SYBU: variants seen among roughly 807,000 people sequenced by gnomAD.
SYBU encodes GOLSYN A protein.
A neutral mutation model predicts 35.9 loss-of-function variants in SYBU; 21 were observed. That is an observed-to-expected ratio of 0.58 (90% CI 0.41 to 0.84). The LOEUF is 0.84. Ranked by LOEUF, SYBU falls within the 40% of genes least tolerant of loss-of-function variation. The pLI, the probability that SYBU is intolerant of heterozygous loss-of-function variation, is 0.00. For synonymous variants in SYBU, 319 were observed against 324.3 expected, an observed-to-expected ratio of 0.98 and a Z score of 0.18; for missense variants, 768 against 848.2, an observed-to-expected ratio of 0.91 and a Z score of 1.17.
chr8:109,609,146 C>G (rs993586923), intron 3 of SYBU, among the ~76,000 whole-genome samples: 1 of 152,174 alleles, frequency 6.6e-6, no homozygotes, highest in Non-Finnish European at 1.5e-5. Flanking sequence ...CTGCAATTAC[C>G]TCTCAGAAAA....
chr8:109,634,813 A>G (rs984891911), intron 2 of SYBU, among the ~76,000 whole-genome samples: 1 of 152,190 alleles, frequency 6.6e-6, no homozygotes, highest in Non-Finnish European at 1.5e-5. Context: ...ATCTATAAAT[A>G]TACTTATTTG....
chr8:109,609,288 T>C (rs933931790), intron 3 of SYBU, among the ~76,000 whole-genome samples: 9 of 152,202 alleles, frequency 5.9e-5, no homozygotes, highest in African/African-American at 2.2e-4. Context: ...TCAGTGCTAA[T>C]TTTGCTTCCC....
intron 2 of SYBU, among the ~76,000 whole-genome samples, chr8:109,641,579 C>T (rs146995316): frequency 1.1e-3 from 168 of 152,346 alleles, no homozygotes; most frequent in African/African-American, 3.7e-3. Flanking sequence ...TGGGCTCTTC[C>T]CTACTAAACC....
chr8:109,607,926 C>T (rs2130180306), intron 3 of SYBU: 1 of 1,530,294 alleles, frequency 6.5e-7, no homozygotes, highest in South Asian at 1.2e-5. Flanking sequence ...AGGTAAGCTC[C>T]ATAGACTTTC....
Position 109,691,483 on chromosome 8 carries a change from G to T in SYBU, c.-208C>A. On this transcript the variant is annotated 5_prime_UTR_variant, in exon 1 of 8. Coordinates refer to the SYBU transcript ENST00000422135. This position sits in a 1 kb window ranked among gnomAD's most constrained non-coding sequence, Gnocchi z 4.7. ...GCTCAGGCCCGGGGAGCCGGGCCCGGCCCGCTCCGCCCGCCTTAGCCCGGC... is the reference window on the plus strand; with the variant it reads ...GCTCAGGCCCGGGGAGCCGGGCCCGTCCCGCTCCGCCCGCCTTAGCCCGGC... 1 of 530,858 alleles carries T rather than the reference G, an allele frequency of 1.9e-6. No homozygotes were observed. The highest frequency in any genetic ancestry group is 2.5e-5 in the South Asian group (1 of 39,624). 32.9% of individuals were successfully genotyped at this position (530,858 alleles called of 1,614,324 possible).
chr8:109,575,692 G>GTTA lies in SYBU; in HGVS notation c.1205_1206insTAA (p.Thr402_Leu403insAsn), dbSNP rs772726408. ...CCATTGTGTCAAGAGGGGGGTTGAG[G>GTTA]GTTAAGCTCTTCTCTGGGGAATCAC... On this transcript the variant is annotated inframe_insertion, in exon 7 of 7. Transcript: ENST00000276646. 5.8e-5 allele frequency: 94 copies of GTTA among 1,614,068 alleles called. No individual in the cohort carries two copies. The African/African-American group carries it at 1.1e-3, about 19-fold the overall frequency.
chr8:109,667,056 T>G (rs948471103), intron 1 of SYBU, among the ~76,000 whole-genome samples: 3 of 152,198 alleles, frequency 2.0e-5, no homozygotes, highest in African/African-American at 7.2e-5. Context: ...ATGTAGCAGC[T>G]TGAACTAACT....
At chr8:109,669,510 T>C (rs1033666669) in intron 1 of SYBU, among the ~76,000 whole-genome samples, 1 of 152,188 alleles carries the variant, frequency 6.6e-6, no homozygotes, top group African/African-American at 2.4e-5. Flanking sequence ...CATCTTTTTG[T>C]CATTTCTGAT....
chr8:109,666,732 A>G (rs1216117289), intron 1 of SYBU, among the ~76,000 whole-genome samples: 1 of 149,208 alleles, frequency 6.7e-6, no homozygotes, highest in Admixed American at 6.6e-5. Context: ...TAGGCAACAG[A>G]GACTCCATTT....
intron 3 of SYBU, among the ~76,000 whole-genome samples, chr8:109,614,644 A>G (rs972833502): frequency 1.3e-5 from 2 of 152,232 alleles, no homozygotes; most frequent in African/African-American, 4.8e-5. Context: ...TCATTTAAGT[A>G]TTTATTGGAC....
chr8:109,685,638 A>C (rs1043947809), upstream of SYBU, among the ~76,000 whole-genome samples: 1 of 152,244 alleles, frequency 6.6e-6, no homozygotes, highest in South Asian at 2.1e-4. Flanking sequence ...GGCAAGGGCC[A>C]TATATAAAAA....
upstream of SYBU, chr8:109,645,874 T>C (rs1002609589): frequency 6.3e-6 from 1 of 157,948 alleles, no homozygotes; most frequent in African/African-American, 2.4e-5. Flanking sequence ...ATAATAATAG[T>C]GATACCTACC....
At chr8:109,661,984 C>T (rs1170621534) in intron 1 of SYBU, among the ~76,000 whole-genome samples, 5 of 152,186 alleles carry the variant, frequency 3.3e-5, no homozygotes, top group Admixed American at 3.3e-4. Context: ...CTTTTATTTT[C>T]AAATCTCACC....
chr8:109,616,374 C>T (rs538491488), intron 3 of SYBU, among the ~76,000 whole-genome samples: 1 of 152,148 alleles, frequency 6.6e-6, no homozygotes, highest in Non-Finnish European at 1.5e-5. Flanking sequence ...TGAGTGGCTG[C>T]TCTTTAGCAA....
At chr8:109,629,529 G>T (rs867438230) in intron 2 of SYBU, among the ~76,000 whole-genome samples, 29 of 152,118 alleles carry the variant, frequency 1.9e-4, no homozygotes, top group Non-Finnish European at 1.5e-5. Context: ...TAACACCAGA[G>T]CCTCTTTGTT....
At chr8:109,586,343 A>T (rs1347886057) in intron 3 of SYBU, 181 bp from the exon 4 acceptor site, 5 of 581,332 alleles carry the variant, frequency 8.6e-6, no homozygotes, top group Non-Finnish European at 1.5e-5. Flanking sequence ...GCCCAGTACA[A>T]GAACATCATT....
intron 1 of SYBU, chr8:109,680,317 T>G (rs1440846010): frequency 1.3e-5 from 2 of 152,226 alleles, no homozygotes; most frequent in Non-Finnish European, 2.9e-5. Context: ...AGCATGCTAC[T>G]ATAGTTAGCA....
At chr8:109,625,901 C>A (rs1174633617) in intron 2 of SYBU, among the ~76,000 whole-genome samples, 2 of 152,168 alleles carry the variant, frequency 1.3e-5, no homozygotes, top group Non-Finnish European at 2.9e-5. Flanking sequence ...AAGTTTGAGA[C>A]AACTTATATT....
At position 109,577,846 on chromosome 8, in the gene SYBU, C is replaced by G. The variant is rs371692591; in HGVS notation, c.884+22G>C. ...AGAAAGAAGTTGTCCTACACCCCAC[C>G]GTTCAAGGAAGGCAGATTCACCTTT... On this transcript the variant is annotated intron_variant, in intron 6 of 6. Coordinates refer to ENST00000276646, the MANE Select transcript of SYBU (RefSeq NM_001099754.2). 3 of 1,597,804 alleles carry G rather than the reference C, an allele frequency of 1.9e-6. No individual in the cohort carries two copies. The East Asian group carries it at 6.8e-5, about 36-fold the overall frequency.
Sources: allele counts gnomAD v4.1 joint callset (sites outside exome capture counted in the v4.1 genomes callset), GRCh38; gene constraint gnomAD v4.1.1; non-coding constraint Gnocchi (gnomAD v3.1); transcripts MANE v1.5; gene names NCBI Gene and HGNC (gene_info 2026-07-23, HGNC 2026-07-21).